The following LRP2 variants were observed in gnomAD, a reference collection of about 807,000 sequenced individuals.
LRP2 encodes the protein LDL receptor related protein 2, also known as low-density lipoprotein receptor-related protein 2.
A neutral mutation model predicts 531.0 loss-of-function variants in LRP2; 172 were observed. That is an observed-to-expected ratio of 0.32 (90% CI 0.29 to 0.37). The LOEUF is 0.37. LRP2 is among the 10% of genes least tolerant of loss of function. The probability of loss-of-function intolerance (pLI) is 1.00; values close to 1 mark genes in which losing one functional copy is unlikely to be tolerated. For synonymous variants in LRP2, 1,992 were observed against 2,027.6 expected, an observed-to-expected ratio of 0.98 and a Z score of 0.47; for missense variants, 5,167 against 5,868.3, an observed-to-expected ratio of 0.88 and a Z score of 3.90.
chr2:169,153,082 G>T, intron 66 of LRP2, 118 bp from the exon 67 acceptor site: 1 of 891,600 alleles, frequency 1.1e-6, no homozygotes, highest in Non-Finnish European at 1.9e-6. Context: ...CCTCCTCACT[G>T]TTGTTATAAT....
intron 1 of LRP2, among the ~76,000 whole-genome samples, chr2:169,326,854 G>A (rs1244767437): frequency 2.0e-5 from 3 of 149,702 alleles, no homozygotes; most frequent in African/African-American, 5.0e-5. Flanking sequence ...TGTGGGGAGC[G>A]CCTCTGCCCC....
chr2:169,321,535 C>A lies in LRP2; in HGVS notation c.80-651G>T, dbSNP rs944889747. Among the ~76,000 whole-genome samples, 4 of 150,528 alleles carry A rather than the reference C, an allele frequency of 2.7e-5. 1 individual carries two copies. The highest frequency in any genetic ancestry group is 2.1e-4 in the South Asian group (1 of 4,788). On this transcript the variant is annotated intron_variant, in intron 1 of 78. Transcript: ENST00000649046. ...CTCTGATTGATAACATCGTGAGTAA[C>A]TTTTCATTTGCTTGACTATACTTTC...
At position 169,154,572 on chromosome 2, in the gene LRP2, A is replaced by C. The variant is rs1279475791; in HGVS notation, c.12183T>G (p.Asn4061Lys). 6.8e-6 allele frequency: 11 copies of C among 1,613,636 alleles called. No individual in the cohort carries two copies. Among genetic ancestry groups the C allele is most frequent in the Non-Finnish European group, 8.5e-6 (10 of 1,179,634 alleles). ...GSSPLLLLPDNVRIRKYNLSS... is the reference protein window; with the variant it reads ...GSSPLLLLPDKVRIRKYNLSS... The stretch of plus-strand genomic sequence containing the variant: ...AGAGATTATATTTTCGAATTCGGAC[A>C]TTGTCAGGCAGTAGCAACAAAGGAG... Residue 4061 changes from asparagine to lysine, a missense_variant, in exon 66 of 79, where the codon AAT becomes AAG. By Grantham distance (94) the Asn-to-Lys change is moderately conservative (BLOSUM62 0). This residue lies in a region of LRP2 where 564 missense variants were observed against 747.7 expected (regional missense o/e 0.75). Transcript: ENST00000649046.
intron 4 of LRP2, among the ~76,000 whole-genome samples, 159 bp from the exon 5 acceptor site, chr2:169,294,869 T>C (rs1171089841): frequency 1.4e-5 from 2 of 145,488 alleles, no homozygotes; most frequent in South Asian, 4.8e-4. Context: ...TCATGGAGAG[T>C]AAGGCTGGAC....
At chr2:169,187,519 GAT>G (rs1485837239) in intron 49 of LRP2, among the ~76,000 whole-genome samples, 1 of 152,194 alleles carries the variant, frequency 6.6e-6, no homozygotes, top group Non-Finnish European at 1.5e-5. Context: ...CCATGCTGTG[GAT>G]TCTCAACTGC....
At chr2:169,146,614 G>A in intron 69 of LRP2, 125 bp downstream of exon 69, 1 of 713,262 alleles carries the variant, frequency 1.4e-6, no homozygotes, top group Non-Finnish European at 2.4e-6. Flanking sequence ...GGGTGGAGGG[G>A]TGGTATCTAA....
rs1689221898 is a variant in LRP2 at position 169,226,943 on chromosome 2, CA to C, written c.5228-356del. ...TCTACACACAGACAAACCTCACTCA[CA>C]CTGATCTCAGGGAAAGGAGAGTTGA... On this transcript the variant is annotated intron_variant, in intron 31 of 78. Transcript: ENST00000649046. Among the ~76,000 whole-genome samples, 8 of 151,632 alleles carry C rather than the reference CA, an allele frequency of 5.3e-5. No homozygotes were observed. In the South Asian group the frequency reaches 1.7e-3, roughly 32 times the overall value.
At chr2:169,357,173 T>A (rs1686010355) in intron 1 of LRP2, among the ~76,000 whole-genome samples, 1 of 151,930 alleles carries the variant, frequency 6.6e-6, no homozygotes, top group African/African-American at 2.4e-5. Flanking sequence ...ACAATTAGTA[T>A]TTTTTTAGTT....
intron 43 of LRP2, among the ~76,000 whole-genome samples, chr2:169,202,272 T>C (rs1381219702): frequency 6.6e-6 from 1 of 152,204 alleles, no homozygotes; most frequent in Non-Finnish European, 1.5e-5. Context: ...TTTTATTCAC[T>C]CTATTCAGAT....
intron 18 of LRP2, among the ~76,000 whole-genome samples, 171 bp downstream of exon 18, chr2:169,256,953 T>C (rs541560983): frequency 2.0e-5 from 3 of 152,244 alleles, no homozygotes; most frequent in South Asian, 2.1e-4. Context: ...ACTATGTTTA[T>C]GTCCTTTGTG....
At chr2:169,255,820 T>C (rs1162290379) in intron 19 of LRP2, among the ~76,000 whole-genome samples, 1 of 152,166 alleles carries the variant, frequency 6.6e-6, no homozygotes, top group African/African-American at 2.4e-5. Context: ...TATAACTAAG[T>C]ACTTGGGATG....
intron 68 of LRP2, among the ~76,000 whole-genome samples, chr2:169,148,899 T>A (rs1373098264): frequency 2.0e-5 from 3 of 152,174 alleles, no homozygotes; most frequent in African/African-American, 7.2e-5. Flanking sequence ...CTCACCCACA[T>A]TGACCTCACA....
rs1308246487 is a variant in LRP2 at position 169,196,986 on chromosome 2, G to A, written c.8623C>T (p.Arg2875Cys). 2.5e-5 allele frequency: 41 copies of A among 1,614,072 alleles called. No homozygotes were observed. The highest frequency in any genetic ancestry group is 3.3e-5 in the Non-Finnish European group (39 of 1,180,000). ...CAATACCAATGTTGAGGAATACAGCGCCCAGATGCGCATTGGAACTCACTG... is the reference window on the plus strand; with the variant it reads ...CAATACCAATGTTGAGGAATACAGCACCCAGATGCGCATTGGAACTCACTG... ...SSSEFQCASG[R>C]CIPQHWYCDQ... The change falls in exon 46 of 79, where the codon CGC (arginine) becomes TGC (cysteine). Residue 2875 changes from arginine to cysteine, a missense_variant. By Grantham distance (180) the Arg-to-Cys change is radical. Coordinates refer to ENST00000649046, the MANE Select transcript of LRP2 (RefSeq NM_004525.3).
At position 169,316,682 on chromosome 2, in the gene LRP2, T is replaced by C. The variant is rs74816640; in HGVS notation, c.310+2080A>G. ...TACAAGACTCAAGTGTGGGCAAAAA[T>C]CTGGGTTGTAAACACAGATTTAAGT... On this transcript the variant is annotated intron_variant, in intron 3 of 78. Transcript: ENST00000649046. Among the ~76,000 whole-genome samples the C allele has an allele frequency of 1.7e-3, 265 of 152,170 alleles. 5 individuals are homozygous for C. In the East Asian group the frequency reaches 0.04, roughly 23 times the overall value.
intron 71 of LRP2, among the ~76,000 whole-genome samples, chr2:169,141,848 G>A (rs531763803): frequency 6.6e-6 from 1 of 152,254 alleles, no homozygotes; most frequent in South Asian, 2.1e-4. Flanking sequence ...GGGGAAGAGG[G>A]GTGACAAGAA....
intron 1 of LRP2, among the ~76,000 whole-genome samples, chr2:169,339,203 A>G (rs1353445960): frequency 6.6e-6 from 1 of 152,052 alleles, no homozygotes; most frequent in Admixed American, 6.5e-5. Context: ...TTGAAAATCT[A>G]TTAAAATAAC....
At chr2:169,285,456 A>C (rs1304584372) in intron 9 of LRP2, among the ~76,000 whole-genome samples, 1 of 152,202 alleles carries the variant, frequency 6.6e-6, no homozygotes, top group Non-Finnish European at 1.5e-5. Context: ...TTTTCGTGAG[A>C]GTAGAAAAGA....
At chr2:169,160,855 A>T (rs1447241289) in intron 63 of LRP2, among the ~76,000 whole-genome samples, 3 of 152,172 alleles carry the variant, frequency 2.0e-5, no homozygotes, top group Non-Finnish European at 4.4e-5. Flanking sequence ...TCATTCTGTC[A>T]ATAACTCCAA....
intron 52 of LRP2, among the ~76,000 whole-genome samples, chr2:169,180,499 A>G (rs1687387195): frequency 6.6e-6 from 1 of 152,214 alleles, no homozygotes; most frequent in African/African-American, 2.4e-5. Context: ...AAGTACTTGG[A>G]TTGATTAATT....
Sources: allele counts gnomAD v4.1 joint callset (sites outside exome capture counted in the v4.1 genomes callset), GRCh38; gene constraint gnomAD v4.1.1; regional missense constraint gnomAD v4.1.1; transcripts MANE v1.5; gene names NCBI Gene and HGNC (gene_info 2026-07-23, HGNC 2026-07-21).